The following LEF1 variants were observed in gnomAD, a reference collection of about 807,000 sequenced individuals.
LEF1 encodes lymphoid enhancer binding factor 1.
In LEF1, 14 loss-of-function variants were observed where a neutral mutation model predicts 51.2. That is an observed-to-expected ratio of 0.27 (90% confidence interval 0.18 to 0.43). The LOEUF (loss-of-function observed/expected upper bound fraction) is 0.43, where lower values mean the gene tolerates loss of function less well. Among genes scored for constraint, LEF1 ranks in the 20% least tolerant of loss-of-function variants. The probability of loss-of-function intolerance (pLI) is 1.00; values close to 1 mark genes in which losing one functional copy is unlikely to be tolerated. For synonymous variants in LEF1, 185 were observed against 183.2 expected, an observed-to-expected ratio of 1.01 and a Z score of -0.08; for missense variants, 386 against 512.0, an observed-to-expected ratio of 0.75 and a Z score of 2.37.
At chr4:108,104,634 G>A (rs1164459505) in intron 3 of LEF1, 3 of 970,440 alleles carry the variant, frequency 3.1e-6, no homozygotes, top group East Asian at 2.3e-4. Context: ...TATTGTATAT[G>A]TTTAGGCAGA....
intron 1 of LEF1, chr4:108,166,912 T>A: frequency 1.4e-6 from 1 of 721,998 alleles, no homozygotes; most frequent in Non-Finnish European, 1.7e-6. Flanking sequence ...TCCCAGCTGC[T>A]AGCCCAGGCG....
intron 3 of LEF1, among the ~76,000 whole-genome samples, chr4:108,093,196 C>G (rs1740163331): frequency 6.6e-6 from 1 of 152,144 alleles, no homozygotes; most frequent in Non-Finnish European, 1.5e-5. Flanking sequence ...GTCCTGCTCA[C>G]TACACAACTC....
At chr4:108,052,733 G>C (rs1237539528) in intron 11 of LEF1, among the ~76,000 whole-genome samples, 1 of 152,120 alleles carries the variant, frequency 6.6e-6, no homozygotes, top group Non-Finnish European at 1.5e-5. Context: ...CCCAGTGCTG[G>C]GCTGTTCCCC....
At chr4:108,099,348 A>G (rs1272388391) in intron 3 of LEF1, among the ~76,000 whole-genome samples, 1 of 151,662 alleles carries the variant, frequency 6.6e-6, no homozygotes, top group Non-Finnish European at 1.5e-5. Context: ...CTTAAACAAA[A>G]AAATTGGCGT....
intron 3 of LEF1, among the ~76,000 whole-genome samples, chr4:108,148,365 C>T (rs949539658): frequency 1.3e-5 from 2 of 152,098 alleles, no homozygotes; most frequent in Non-Finnish European, 2.9e-5. Flanking sequence ...CAAATATTCC[C>T]CACCATGCTT....
chr4:108,093,259 A>G (rs1740169161), intron 3 of LEF1, among the ~76,000 whole-genome samples: 1 of 152,158 alleles, frequency 6.6e-6, no homozygotes, highest in Non-Finnish European at 1.5e-5. Flanking sequence ...GGGCTGCCCA[A>G]TACAGTGGAA....
intron 3 of LEF1, among the ~76,000 whole-genome samples, chr4:108,102,853 C>T (rs1276510584): frequency 6.6e-6 from 1 of 152,154 alleles, no homozygotes; most frequent in Admixed American, 6.5e-5. Flanking sequence ...TATAATTAAA[C>T]AATAATGAAA....
At chr4:108,108,156 C>G (rs1307258367) in intron 3 of LEF1, among the ~76,000 whole-genome samples, 1 of 152,194 alleles carries the variant, frequency 6.6e-6, no homozygotes, top group Admixed American at 6.5e-5. Flanking sequence ...TACAAAGGAC[C>G]TCAACCTTGA....
At chr4:108,120,247 T>C (rs1047896917) in intron 3 of LEF1, among the ~76,000 whole-genome samples, 1 of 152,000 alleles carries the variant, frequency 6.6e-6, no homozygotes, top group South Asian at 2.1e-4. Context: ...CCCAGGCTGG[T>C]CTCAAACTCC....
At chr4:108,138,197 T>C (rs1743418619) in intron 3 of LEF1, among the ~76,000 whole-genome samples, 2 of 152,182 alleles carry the variant, frequency 1.3e-5, no homozygotes, top group African/African-American at 4.8e-5. Context: ...ATATCAAATA[T>C]GTATAAAATA....
intron 6 of LEF1, 150 bp from the exon 7 acceptor site, chr4:108,079,764 C>A (rs888700274): frequency 7.7e-5 from 49 of 633,460 alleles, no homozygotes; most frequent in South Asian, 3.5e-4. Context: ...TAGAGTGGGC[C>A]GATAATTATT....
intron 3 of LEF1, among the ~76,000 whole-genome samples, chr4:108,132,658 C>CTTTT (rs1560813326): frequency 1.4e-4 from 5 of 35,712 alleles, no homozygotes; most frequent in Non-Finnish European, 1.3e-4. Flanking sequence ...CGAAAATCTG[C>CTTTT]CTTTTTTTTT....
intron 3 of LEF1, among the ~76,000 whole-genome samples, chr4:108,140,678 G>A (rs768733585): frequency 2.0e-5 from 3 of 152,166 alleles, no homozygotes; most frequent in South Asian, 2.1e-4. Context: ...AGCAAAGTGC[G>A]AGGTTACTCC....
chr4:108,155,753 CAG>C (rs1247014570), intron 3 of LEF1, among the ~76,000 whole-genome samples: 1 of 152,174 alleles, frequency 6.6e-6, no homozygotes, highest in Non-Finnish European at 1.5e-5. Flanking sequence ...CCAAAGTTTT[CAG>C]AAGAAGATGA....
intron 6 of LEF1, 87 bp from the exon 7 acceptor site, chr4:108,079,701 T>A: frequency 1.5e-6 from 2 of 1,375,268 alleles, no homozygotes; most frequent in African/African-American, 1.4e-5. Flanking sequence ...CACTAACTGC[T>A]ACTGGCTAAG....
At chr4:108,154,866 G>A (rs1163503239) in intron 3 of LEF1, among the ~76,000 whole-genome samples, 2 of 152,066 alleles carry the variant, frequency 1.3e-5, no homozygotes, top group Non-Finnish European at 2.9e-5. Context: ...TAACATTCAT[G>A]GGATTTTACT....
At position 108,062,783 on chromosome 4, in the gene LEF1, C is replaced by T. The variant is rs573083532; in HGVS notation, c.*6+840G>A. 2.0e-5 allele frequency among the ~76,000 whole-genome samples: 3 copies of T among 152,250 alleles called. No homozygotes were observed. In the East Asian group the frequency reaches 5.8e-4, roughly 29 times the overall value. Reference sequence around the variant, plus strand: ...AGTGGTAAGTGTGAGAGAAAAGGCTCAAGACAGACCCCAAAGACAGGGATT... The same window carrying T: ...AGTGGTAAGTGTGAGAGAAAAGGCTTAAGACAGACCCCAAAGACAGGGATT... On this transcript the variant is annotated intron_variant, in intron 11 of 11. Coordinates refer to ENST00000265165, the MANE Select transcript of LEF1 (RefSeq NM_016269.5).
chr4:108,058,841 A>G (rs924017574), intron 11 of LEF1, among the ~76,000 whole-genome samples: 1 of 152,174 alleles, frequency 6.6e-6, no homozygotes, highest in South Asian at 2.1e-4. Flanking sequence ...TCCTCACTAA[A>G]TGTTTGCGTG....
chr4:108,140,607 A>C (rs957008150), intron 3 of LEF1, among the ~76,000 whole-genome samples: 1 of 152,188 alleles, frequency 6.6e-6, no homozygotes, highest in African/African-American at 2.4e-5. Flanking sequence ...ACCATTTTAT[A>C]ATCAGCCATC....
Sources: allele counts gnomAD v4.1 joint callset (sites outside exome capture counted in the v4.1 genomes callset), GRCh38; gene constraint gnomAD v4.1.1; transcripts MANE v1.5; gene names NCBI Gene and HGNC (gene_info 2026-07-23, HGNC 2026-07-21).